The following SLC6A5 variants were observed in gnomAD, a reference collection of about 807,000 sequenced individuals.
SLC6A5 encodes sodium- and chloride-dependent glycine transporter 2.
Under a neutral mutation model 90.5 loss-of-function variants are expected in SLC6A5, and 58 were observed. That is an observed-to-expected ratio of 0.64 (90% CI 0.52 to 0.80). SLC6A5 has a LOEUF of 0.80. Among genes scored for constraint, SLC6A5 ranks in the 30% least tolerant of loss-of-function variants. The pLI is 0.00. For synonymous variants in SLC6A5, 427 were observed against 401.4 expected (o/e 1.06, Z -0.76); for missense variants, 1,015 against 1,017.6 (o/e 1.00, Z 0.03).
At chr11:20,637,451 A>G (rs1045295287) in intron 12 of SLC6A5, 148 bp downstream of exon 12, 1 of 731,284 alleles carries the variant, frequency 1.4e-6, no homozygotes, top group South Asian at 1.5e-5. Context: ...TTCATTAGGG[A>G]TTCTGACTGC....
intron 6 of SLC6A5, among the ~76,000 whole-genome samples, chr11:20,617,347 C>T (rs540570084): frequency 6.6e-6 from 1 of 152,320 alleles, no homozygotes; most frequent in South Asian, 2.1e-4. Flanking sequence ...CACACAAATA[C>T]TACCAGAATA....
chr11:20,651,839 G>A (rs566763633), intron 14 of SLC6A5, among the ~76,000 whole-genome samples: 1 of 152,012 alleles, frequency 6.6e-6, no homozygotes, highest in African/African-American at 2.4e-5. Context: ...CCTGGGAGGG[G>A]GAGGTTGCAG....
rs1852608274 is a variant in SLC6A5 at position 20,607,546 on chromosome 11, T to C, written c.879T>C (p.Tyr293=). The change falls in exon 5 of 16, where the codon TAT becomes TAC. Residue 293 remains tyrosine (Y), a synonymous_variant. Coordinates refer to ENST00000525748, the MANE Select transcript of SLC6A5 (RefSeq NM_004211.5). Reference sequence around the variant, plus strand: ...TATACTACAATGTGATTATTTGCTATACACTTTTCTACCTGTTTGCCTCCT... The same window carrying C: ...TATACTACAATGTGATTATTTGCTACACACTTTTCTACCTGTTTGCCTCCT... ...IAIYYNVIIC[Y]TLFYLFASFV... 3.1e-6 allele frequency: 5 copies of C among 1,614,156 alleles called. No individual in the cohort carries two copies. Among genetic ancestry groups the C allele is most frequent in the East Asian group, 4.5e-5 (2 of 44,882 alleles).
chr11:20,638,243 C>T (rs1295018333), intron 12 of SLC6A5, among the ~76,000 whole-genome samples: 3 of 152,116 alleles, frequency 2.0e-5, no homozygotes, highest in South Asian at 2.1e-4. Context: ...TTGATTAGCT[C>T]GGAGCCTGTT....
intron 10 of SLC6A5, among the ~76,000 whole-genome samples, chr11:20,631,328 A>G (rs935444896): frequency 2.6e-5 from 4 of 152,180 alleles, no homozygotes; most frequent in Non-Finnish European, 5.9e-5. Flanking sequence ...TTAGTTAGCA[A>G]TGCAGACCTG....
chr11:20,612,381 A>G (rs906800878), intron 5 of SLC6A5, among the ~76,000 whole-genome samples: 3 of 152,150 alleles, frequency 2.0e-5, no homozygotes, highest in Non-Finnish European at 4.4e-5. Flanking sequence ...TGACCAGAAA[A>G]TGGAGGCTTG....
At chr11:20,630,205 G>T (rs1181478192) in intron 9 of SLC6A5, among the ~76,000 whole-genome samples, 1 of 152,178 alleles carries the variant, frequency 6.6e-6, no homozygotes, top group Non-Finnish European at 1.5e-5. Flanking sequence ...TGTCTGGAGG[G>T]CTGCTCTCTG....
At chr11:20,602,368 G>C (rs1349790239) in intron 2 of SLC6A5, among the ~76,000 whole-genome samples, 1 of 152,110 alleles carries the variant, frequency 6.6e-6, no homozygotes, top group African/African-American at 2.4e-5. Flanking sequence ...AATTAGAGGC[G>C]TGAAAAACCC....
At chr11:20,639,967 C>T (rs1183076363) in intron 13 of SLC6A5, among the ~76,000 whole-genome samples, 1 of 152,202 alleles carries the variant, frequency 6.6e-6, no homozygotes, top group Admixed American at 6.5e-5. Flanking sequence ...TGATTGAAGA[C>T]CTGCTGTCGG....
chr11:20,607,126 C>G lies in SLC6A5; in HGVS notation c.799C>G (p.Pro267Ala), dbSNP rs757026685. The G allele has an allele frequency of 1.2e-6, 2 of 1,613,710 alleles. No homozygotes were observed. The highest frequency in any genetic ancestry group is 8.5e-7 in the Non-Finnish European group (1 of 1,179,916). Residue 267 changes from proline to alanine, a missense_variant, in exon 4 of 16, where the codon CCA (proline) becomes GCA (alanine). By Grantham distance (27) the Pro-to-Ala change is conservative. Around this residue, in one of 3 missense-constraint regions of SLC6A5, gnomAD observed 567 missense variants for 507.3 expected, o/e 1.12. Transcript: ENST00000525748. The part of the protein sequence containing the change: ...QGPVSVWKAI[P>A]ALQGCGIAML... ...ACCAGTGTCTGTGTGGAAGGCCATC[C>G]CAGCTCTACAAGGTGAGTCCAGCCT...
intron 7 of SLC6A5, among the ~76,000 whole-genome samples, chr11:20,622,899 G>T (rs1354129781): frequency 1.3e-5 from 2 of 152,200 alleles, no homozygotes; most frequent in East Asian, 3.9e-4. Flanking sequence ...AGTCAGGCTG[G>T]TCAGGGCCTG....
At chr11:20,645,711 T>C (rs1853400960) in intron 13 of SLC6A5, among the ~76,000 whole-genome samples, 4 of 146,000 alleles carry the variant, frequency 2.7e-5, no homozygotes. Context: ...CGATCTCGGC[T>C]CACTACAAGC....
chr11:20,616,458 T>C (rs796648396), intron 6 of SLC6A5, among the ~76,000 whole-genome samples: 12 of 152,356 alleles, frequency 7.9e-5, no homozygotes, highest in African/African-American at 2.9e-4. Flanking sequence ...CTGGGGCCAG[T>C]CTTGATTTCT....
chr11:20,655,326 G>GTT lies in SLC6A5; in HGVS notation c.*470_*471dup, dbSNP rs61671694. The GTT allele has an allele frequency of 8.0e-4, 147 of 183,154 alleles. No homozygotes were observed. The highest frequency in any genetic ancestry group is 2.0e-3 in the East Asian group (16 of 7,896). 11.3% of individuals were successfully genotyped at this position (183,154 alleles called of 1,614,324 possible). A position where few individuals can be genotyped will look rare whatever the true frequency, so the allele number is the denominator to read the frequency against. On this transcript the variant is annotated 3_prime_UTR_variant, in exon 16 of 16. Transcript: ENST00000525748. ...TTCAGACACACAAAGTTCAAGACAGGTTTTTTTTTTTTTCAGAGAGTTAGC... is the reference window on the plus strand; with the variant it reads ...TTCAGACACACAAAGTTCAAGACAGGTTTTTTTTTTTTTTTCAGAGAGTTAGC...
chr11:20,640,501 C>G (rs1381572977), intron 13 of SLC6A5, among the ~76,000 whole-genome samples: 1 of 152,066 alleles, frequency 6.6e-6, no homozygotes. Context: ...TGGGACCACC[C>G]AGGGAATCCC....
chr11:20,635,347 A>T (rs1853184465), intron 10 of SLC6A5, among the ~76,000 whole-genome samples: 1 of 152,138 alleles, frequency 6.6e-6, no homozygotes, highest in East Asian at 1.9e-4. Context: ...TTTGGACCAG[A>T]TCTAACCCTT....
intron 14 of SLC6A5, among the ~76,000 whole-genome samples, chr11:20,649,740 C>T (rs566556951): frequency 2.0e-5 from 3 of 152,170 alleles, no homozygotes; most frequent in Non-Finnish European, 2.9e-5. Context: ...AGTCAGATCA[C>T]GTTACTGAGT....
At chr11:20,633,375 C>T (rs893069431) in intron 10 of SLC6A5, among the ~76,000 whole-genome samples, 37 of 152,206 alleles carry the variant, frequency 2.4e-4, no homozygotes, top group African/African-American at 8.2e-4. Flanking sequence ...GCACTGATGT[C>T]CCACTTCCAT....
chr11:20,612,501 T>A (rs1183982678), intron 5 of SLC6A5, among the ~76,000 whole-genome samples: 1 of 152,162 alleles, frequency 6.6e-6, no homozygotes, highest in Non-Finnish European at 1.5e-5. Flanking sequence ...ATGCACCAGA[T>A]CAAGCCTGCT....
Sources: gnomAD v4.1 joint callset for allele counts (sites outside exome capture counted in the v4.1 genomes callset) on GRCh38, gnomAD v4.1.1 for gene constraint, gnomAD v4.1.1 regional missense constraint, MANE v1.5 for transcripts, NCBI Gene and HGNC (gene_info 2026-07-23, HGNC 2026-07-21) for gene names.